Variants in PLBD1 observed in about 807,000 individuals in gnomAD.
The protein encoded by PLBD1 is lysosomal leucine aminopeptidase.
In PLBD1, 60 loss-of-function variants were observed where a neutral mutation model predicts 63.0. The ratio of observed to expected loss-of-function variants is 0.95; its 90% CI spans 0.77 to 1.18. The LOEUF is 1.18. Ranked by LOEUF, PLBD1 falls within the 50% of genes most tolerant of loss-of-function variation. The pLI is 0.00. For synonymous variants in PLBD1, 262 were observed against 248.0 expected (o/e 1.06, Z -0.53); for missense variants, 598 against 677.9 (o/e 0.88, Z 1.31).
intron 6 of PLBD1, among the ~76,000 whole-genome samples, chr12:14,529,170 G>A (rs2136915610): frequency 6.6e-6 from 1 of 151,922 alleles, no homozygotes; most frequent in South Asian, 2.1e-4. Context: ...ACTCCAGCCT[G>A]GGGGACAGAG....
At chr12:14,510,408 T>G (rs1233108295) in intron 8 of PLBD1, among the ~76,000 whole-genome samples, 1 of 152,112 alleles carries the variant, frequency 6.6e-6, no homozygotes, top group Non-Finnish European at 1.5e-5. Flanking sequence ...AAAATAAAAA[T>G]TAAAATTAAA....
chr12:14,515,522 C>T (rs1945330700), intron 6 of PLBD1, among the ~76,000 whole-genome samples: 1 of 151,424 alleles, frequency 6.6e-6, no homozygotes, highest in Non-Finnish European at 1.5e-5. Context: ...AAGCAAAGGA[C>T]ATGAATTTTG....
intron 6 of PLBD1, among the ~76,000 whole-genome samples, chr12:14,514,278 G>A (rs549193080): frequency 3.3e-5 from 5 of 152,260 alleles, no homozygotes; most frequent in African/African-American, 1.2e-4. Context: ...GATTGCATTC[G>A]TGTCTTGGGC....
chr12:14,531,200 A>G (rs890611716), intron 6 of PLBD1: 5 of 152,240 alleles, frequency 3.3e-5, no homozygotes, highest in Non-Finnish European at 7.3e-5. Flanking sequence ...AAGATTTGTT[A>G]CAGTATCCAG....
intron 1 of PLBD1, among the ~76,000 whole-genome samples, chr12:14,565,043 T>G (rs1328731033): frequency 6.6e-6 from 1 of 152,202 alleles, no homozygotes; most frequent in African/African-American, 2.4e-5. Flanking sequence ...TCTGGAAAGA[T>G]AAACGCAACA....
intron 1 of PLBD1, among the ~76,000 whole-genome samples, chr12:14,564,055 C>T (rs1185276679): frequency 6.6e-6 from 1 of 152,096 alleles, no homozygotes; most frequent in Non-Finnish European, 1.5e-5. Flanking sequence ...ATCTGGGTAA[C>T]ATAGTGAGAC....
chr12:14,540,931 G>T (rs1168549939), intron 3 of PLBD1, 29 bp from the exon 4 acceptor site: 1 of 1,562,712 alleles, frequency 6.4e-7, no homozygotes, highest in Non-Finnish European at 8.7e-7. Context: ...TTGCACCACA[G>T]TCTCAATAGT....
intron 8 of PLBD1, 129 bp from the exon 9 acceptor site, chr12:14,507,247 T>G: frequency 1.4e-6 from 1 of 722,368 alleles, no homozygotes; most frequent in Non-Finnish European, 2.3e-6. Context: ...AATTACAAAA[T>G]AATGTACAGA....
chr12:14,553,634 G>A, intron 1 of PLBD1: 2 of 581,408 alleles, frequency 3.4e-6, no homozygotes, highest in Middle Eastern at 4.6e-4. Context: ...GGTCAAAGGT[G>A]GGGGTGTAGC....
chr12:14,519,333 G>T (rs182206663), intron 6 of PLBD1, among the ~76,000 whole-genome samples: 1 of 152,196 alleles, frequency 6.6e-6, no homozygotes, highest in Admixed American at 6.5e-5. Flanking sequence ...ATAAGAAGAG[G>T]AAGTGAGCCG....
At chr12:14,551,146 C>T (rs191324309) in intron 2 of PLBD1, among the ~76,000 whole-genome samples, 5 of 151,950 alleles carry the variant, frequency 3.3e-5, no homozygotes, top group East Asian at 2.0e-4. Context: ...GGGAGGATCA[C>T]GAGGTCAGGA....
chr12:14,542,864 G>T (rs1016778312), intron 2 of PLBD1, among the ~76,000 whole-genome samples: 1 of 151,862 alleles, frequency 6.6e-6, no homozygotes, highest in Admixed American at 6.6e-5. Flanking sequence ...TGGCTAACAC[G>T]GTGAAACCCC....
chr12:14,507,175 G>GGA, intron 8 of PLBD1, 57 bp from the exon 9 acceptor site: 1 of 1,295,898 alleles, frequency 7.7e-7, no homozygotes, highest in Non-Finnish European at 1.1e-6. Context: ...AGACAGAAAA[G>GGA]GAGAGAGAGC....
At position 14,567,819 on chromosome 12, in the gene PLBD1, C is replaced by G. The variant is rs1206752069; in HGVS notation, c.-123G>C. 14 of 1,276,604 alleles carry G rather than the reference C, an allele frequency of 1.1e-5. No individual in the cohort carries two copies. The highest frequency in any genetic ancestry group is 1.4e-5 in the Non-Finnish European group (14 of 993,448). The allele number at this position is 1,276,604 out of a possible 1,614,324, so 79.1% of individuals were successfully genotyped here. A position where few individuals can be genotyped will look rare whatever the true frequency, so the allele number is the denominator to read the frequency against. ...CCGCCTCTCCGAGGTGGGGCGTCCT[C>G]AACTTTCCTCTTTCTTGAGCCCGGC... On this transcript the variant is annotated 5_prime_UTR_variant, in exon 1 of 11. Coordinates refer to ENST00000240617, the MANE Select transcript of PLBD1 (RefSeq NM_024829.6).
At chr12:14,529,742 T>C (rs1303938599) in intron 6 of PLBD1, among the ~76,000 whole-genome samples, 1 of 152,184 alleles carries the variant, frequency 6.6e-6, no homozygotes, top group Non-Finnish European at 1.5e-5. Context: ...TCACCACTTA[T>C]GGTCTCCATT....
At chr12:14,547,121 C>T (rs1424510731) in intron 2 of PLBD1, among the ~76,000 whole-genome samples, 1 of 151,788 alleles carries the variant, frequency 6.6e-6, no homozygotes, top group Non-Finnish European at 1.5e-5. Flanking sequence ...CTCAGGTGAT[C>T]CGCCTGCCTT....
chr12:14,523,046 T>G (rs1349305214), intron 6 of PLBD1, among the ~76,000 whole-genome samples: 1 of 151,956 alleles, frequency 6.6e-6, no homozygotes, highest in Non-Finnish European at 1.5e-5. Context: ...GCATCCAAAT[T>G]GAAAAGGCAG....
intron 1 of PLBD1, among the ~76,000 whole-genome samples, chr12:14,556,612 G>A (rs567114234): frequency 7.5e-4 from 114 of 151,182 alleles, no homozygotes; most frequent in African/African-American, 2.4e-3. Context: ...CAGGTGATCC[G>A]CCTGCCTCGG....
chr12:14,533,744 A>G (rs1204339068), intron 6 of PLBD1, among the ~76,000 whole-genome samples: 2 of 152,242 alleles, frequency 1.3e-5, no homozygotes, highest in Non-Finnish European at 2.9e-5. Context: ...GTCCCCCTCA[A>G]TGCTAAAACA....
Sources: gnomAD v4.1 joint callset for allele counts (sites outside exome capture counted in the v4.1 genomes callset) on GRCh38, gnomAD v4.1.1 for gene constraint, MANE v1.5 for transcripts, NCBI Gene and HGNC (gene_info 2026-07-23, HGNC 2026-07-21) for gene names.